PRKAR1B: variants seen among roughly 807,000 people sequenced by gnomAD.
PRKAR1B encodes the protein cAMP-dependent protein kinase type I-beta regulatory subunit.
PRKAR1B carries 22 observed loss-of-function variants against 46.5 expected under a neutral mutation model. That is an observed-to-expected ratio of 0.47 (90% CI 0.34 to 0.68). The LOEUF (loss-of-function observed/expected upper bound fraction) is 0.68, where lower values mean the gene tolerates loss of function less well. Ranked by LOEUF, PRKAR1B falls within the 30% of genes least tolerant of loss-of-function variation. The pLI, the probability that PRKAR1B is intolerant of heterozygous loss-of-function variation, is 0.01. For synonymous variants in PRKAR1B, 259 were observed against 217.7 expected, an observed-to-expected ratio of 1.19 and a Z score of -1.67; for missense variants, 445 against 535.6, an observed-to-expected ratio of 0.83 and a Z score of 1.67.
intron 3 of PRKAR1B, 128 bp downstream of exon 3, chr7:680,428 C>T (rs542010884): frequency 3.1e-6 from 3 of 973,596 alleles, no homozygotes; most frequent in African/African-American, 3.4e-5. Context: ...ACATAGTCCT[C>T]CCTCCAACCA....
intron 2 of PRKAR1B, among the ~76,000 whole-genome samples, chr7:693,632 C>A (rs1331570680): frequency 2.0e-5 from 3 of 152,212 alleles, no homozygotes; most frequent in Non-Finnish European, 4.4e-5. Flanking sequence ...AGAGGCCACA[C>A]TGTTTGTCCT....
At chr7:562,646 G>C (rs1009261087) in intron 9 of PRKAR1B, among the ~76,000 whole-genome samples, 13 of 152,182 alleles carry the variant, frequency 8.5e-5, no homozygotes, top group African/African-American at 3.1e-4. Flanking sequence ...CCATCTGCCT[G>C]GTCACACCAG....
At chr7:609,401 C>G (rs1303379355) in intron 4 of PRKAR1B, among the ~76,000 whole-genome samples, 1 of 152,122 alleles carries the variant, frequency 6.6e-6, no homozygotes, top group Admixed American at 6.5e-5. Flanking sequence ...TACCCCCCAC[C>G]ACCCAGCTCA....
At chr7:691,091 A>G (rs1381414788) in intron 2 of PRKAR1B, among the ~76,000 whole-genome samples, 6 of 147,380 alleles carry the variant, frequency 4.1e-5, no homozygotes, top group Non-Finnish European at 7.4e-5. Context: ...TGCAAATCCT[A>G]CCCGAAGGGT....
chr7:676,869 G>A (rs903152652), intron 4 of PRKAR1B, among the ~76,000 whole-genome samples: 4 of 151,522 alleles, frequency 2.6e-5, no homozygotes, highest in African/African-American at 9.7e-5. Context: ...GGCAAGCAAC[G>A]GGGCCTGCCC....
intron 4 of PRKAR1B, among the ~76,000 whole-genome samples, chr7:609,965 A>G (rs1345260214): frequency 6.6e-6 from 1 of 151,690 alleles, no homozygotes; most frequent in East Asian, 1.9e-4. Context: ...CTGGTCTCCA[A>G]CTCCTGACCT....
intron 4 of PRKAR1B, among the ~76,000 whole-genome samples, chr7:623,628 C>T (rs1046127768): frequency 1.3e-5 from 2 of 152,208 alleles, no homozygotes; most frequent in African/African-American, 2.4e-5. Flanking sequence ...TGTTTCCTCT[C>T]GGTCATTTTC....
At chr7:634,193 T>C (rs1430805051) in intron 4 of PRKAR1B, among the ~76,000 whole-genome samples, 1 of 151,964 alleles carries the variant, frequency 6.6e-6, no homozygotes, top group Non-Finnish European at 1.5e-5. Flanking sequence ...CGGCTAATTT[T>C]TGTATTTTTA....
At chr7:676,789 C>T (rs974080588) in intron 4 of PRKAR1B, among the ~76,000 whole-genome samples, 1 of 152,056 alleles carries the variant, frequency 6.6e-6, no homozygotes, top group African/African-American at 2.4e-5. Context: ...GGGAGGGCGG[C>T]GGTGATTCCC....
chr7:726,490 T>A lies in PRKAR1B; in HGVS notation c.-23+720A>T, dbSNP rs530567396. On this transcript the variant is annotated intron_variant, in intron 1 of 10. Coordinates refer to ENST00000537384, the MANE Select transcript of PRKAR1B (RefSeq NM_001164760.2). ...GGCGAGCTGCACCCTCCCGAGACCT[T>A]CCCCATCTGTACAATGGGGACAGGA... 252 of 376,022 alleles carry A rather than the reference T, an allele frequency of 6.7e-4. 3 individuals carry two copies. The Middle Eastern group carries it at 6.8e-3, about 10-fold the overall frequency. The allele number at this position is 376,022 out of a possible 1,614,324, so 23.3% of individuals were successfully genotyped here. A position where few individuals can be genotyped will look rare whatever the true frequency, so the allele number is the denominator to read the frequency against.
intron 4 of PRKAR1B, among the ~76,000 whole-genome samples, chr7:631,143 G>T (rs751413945): frequency 6.6e-6 from 1 of 152,108 alleles, no homozygotes; most frequent in Non-Finnish European, 1.5e-5. Context: ...TAGAGACAAG[G>T]TTTCACCATG....
chr7:628,345 A>G (rs1417771639), intron 4 of PRKAR1B, among the ~76,000 whole-genome samples: 1 of 152,126 alleles, frequency 6.6e-6, no homozygotes, highest in East Asian at 1.9e-4. Context: ...GGCGGGCACG[A>G]GGCGGGAGCC....
chr7:653,382 A>G (rs1246783539), intron 4 of PRKAR1B, among the ~76,000 whole-genome samples: 2 of 151,948 alleles, frequency 1.3e-5, no homozygotes, highest in Non-Finnish European at 1.5e-5. Flanking sequence ...CCATTCACCC[A>G]CCTCATCGTT....
At chr7:676,073 G>A (rs1180926943) in intron 4 of PRKAR1B, among the ~76,000 whole-genome samples, 4 of 152,088 alleles carry the variant, frequency 2.6e-5, no homozygotes, top group Non-Finnish European at 5.9e-5. Flanking sequence ...TGTTGAGGAC[G>A]CCCCGAGTAT....
intron 7 of PRKAR1B, 100 bp downstream of exon 7, chr7:596,044 CTT>C: frequency 6.9e-7 from 1 of 1,450,788 alleles, no homozygotes; most frequent in Non-Finnish European, 9.3e-7. Flanking sequence ...TTGGAAGTGT[CTT>C]TTCTCCAGGT....
intron 2 of PRKAR1B, among the ~76,000 whole-genome samples, chr7:708,434 A>T (rs1393699672): frequency 1.3e-5 from 2 of 152,180 alleles, no homozygotes; most frequent in Non-Finnish European, 2.9e-5. Context: ...TCCCTGATAT[A>T]AAATGGTGTC....
chr7:685,255 T>C (rs1778943883), intron 2 of PRKAR1B, among the ~76,000 whole-genome samples: 2 of 110,864 alleles, frequency 1.8e-5, no homozygotes, highest in Non-Finnish European at 3.5e-5. Context: ...ACACGTTTTA[T>C]ATATACATAT....
chr7:679,054 C>T (rs1318404016), intron 3 of PRKAR1B, among the ~76,000 whole-genome samples: 1 of 152,234 alleles, frequency 6.6e-6, no homozygotes, highest in East Asian at 1.9e-4. Flanking sequence ...TGCCATTGCA[C>T]TCCAGCCTGG....
chr7:687,621 G>A (rs566508137), intron 2 of PRKAR1B, among the ~76,000 whole-genome samples: 4 of 152,292 alleles, frequency 2.6e-5, no homozygotes, highest in Admixed American at 2.6e-4. Flanking sequence ...CCAGATGGAG[G>A]GGAGAGAATA....
Sources: gnomAD v4.1 joint callset for allele counts (sites outside exome capture counted in the v4.1 genomes callset) on GRCh38, gnomAD v4.1.1 for gene constraint, MANE v1.5 for transcripts, NCBI Gene and HGNC (gene_info 2026-07-23, HGNC 2026-07-21) for gene names.